NF1: variants seen among roughly 807,000 people sequenced by gnomAD.
NF1 encodes the protein neurofibromin 1.
Under a neutral mutation model 325.7 loss-of-function variants are expected in NF1, and 122 were observed. That is an observed-to-expected ratio of 0.37 (90% CI 0.32 to 0.44). The LOEUF is 0.44. NF1 is among the 20% of genes least tolerant of loss of function. The pLI is 1.00. For missense variants in NF1, 2,140 were observed against 3,415.4 expected (o/e 0.63, Z 9.31); for synonymous variants, 1,091 against 1,186.0 (o/e 0.92, Z 1.65).
In NF1 at chr17:31,243,184, C is replaced by G. The variant is rs371339563; in HGVS notation, c.3975-5800C>G. Among the ~76,000 whole-genome samples the G allele has an allele frequency of 7.0e-3, 960 of 137,544 alleles. 8 individuals carry two copies. Among genetic ancestry groups the G allele is most frequent in the African/African-American group, 0.018 (597 of 33,696 alleles). The allele number at this position is 137,544 out of a possible 152,430, so 90.2% of individuals were successfully genotyped here. ...AAACAGAGTCAGTCTCTCTCTCTGTCTGTGTGTGTGTGTGTGTGTGTGTGT... is the reference window on the plus strand; with the variant it reads ...AAACAGAGTCAGTCTCTCTCTCTGTGTGTGTGTGTGTGTGTGTGTGTGTGT... On this transcript the variant is annotated intron_variant, in intron 29 of 57. Coordinates refer to ENST00000358273, the MANE Select transcript of NF1 (RefSeq NM_001042492.3).
intron 34 of NF1, 136 bp downstream of exon 34, chr17:31,260,651 T>C: frequency 8.7e-6 from 10 of 1,153,482 alleles, no homozygotes; most frequent in Middle Eastern, 2.0e-4. Context: ...AGAAAGATTC[T>C]TTTTTTCAAA....
At chr17:31,190,271 C>CA (rs1051764667) in intron 8 of NF1, among the ~76,000 whole-genome samples, 7 of 151,212 alleles carry the variant, frequency 4.6e-5, no homozygotes, top group Admixed American at 2.0e-4. Flanking sequence ...AACAAAAAAA[C>CA]AAAAAAAATA....
In NF1 at chr17:31,290,218, GT is replaced by G. The variant is rs199530188; in HGVS notation, c.4835+24888del. On this transcript the variant is annotated intron_variant, in intron 36 of 57. Transcript: ENST00000358273. The stretch of plus-strand genomic sequence containing the variant: ...ATCTATTGATAATTTCTTTGTGATT[GT>G]TTTTTTTTCTAATTAAATAGCCTTC... Among the ~76,000 whole-genome samples, 24 of 150,332 alleles carry G rather than the reference GT, an allele frequency of 1.6e-4. No individual in the cohort carries two copies. In the South Asian group the frequency reaches 1.9e-3, roughly 12 times the overall value.
chr17:31,347,132 A>G (rs907027384), intron 48 of NF1, among the ~76,000 whole-genome samples: 7 of 151,570 alleles, frequency 4.6e-5, no homozygotes, highest in East Asian at 3.9e-4. Context: ...GTAAGATCAT[A>G]TCTTATGTAT....
At chr17:31,152,052 G>T (rs1048350877) in intron 1 of NF1, among the ~76,000 whole-genome samples, 12 of 151,758 alleles carry the variant, frequency 7.9e-5, no homozygotes, top group African/African-American at 2.7e-4. Flanking sequence ...CCCACGACAG[G>T]CCCCGGTGTG....
At chr17:31,096,311 GGTT>G (rs148047358) in intron 1 of NF1, among the ~76,000 whole-genome samples, 8,033 of 151,846 alleles carry the variant, frequency 0.053, 675 homozygotes, top group African/African-American at 0.18. Flanking sequence ...TAGTGTTTGT[GGTT>G]GTTTTTGACT....
At chr17:31,365,637 A>G (rs2070501595) in intron 57 of NF1, among the ~76,000 whole-genome samples, 1 of 152,168 alleles carries the variant, frequency 6.6e-6, no homozygotes, top group Admixed American at 6.5e-5. Flanking sequence ...ACATATATGT[A>G]TTGTTTACTA....
rs1031652494 is a variant in NF1, at chr17:31,291,920, A to G, written c.4835+26581A>G. Among the ~76,000 whole-genome samples the G allele has an allele frequency of 3.9e-5, 6 of 152,152 alleles. No individual in the cohort carries two copies. The East Asian group carries it at 1.2e-3, about 29-fold the overall frequency. On this transcript the variant is annotated intron_variant, in intron 36 of 57. Coordinates refer to ENST00000358273, the MANE Select transcript of NF1 (RefSeq NM_001042492.3). ...GAGCTGAAATGTTTCCATATATGGG[A>G]ATTTCTCATAGCATTGGGTTTGGAC...
At chr17:31,103,530 C>A (rs1912558456) in intron 1 of NF1, among the ~76,000 whole-genome samples, 1 of 152,142 alleles carries the variant, frequency 6.6e-6, no homozygotes, top group Non-Finnish European at 1.5e-5. Flanking sequence ...CAGGCTTGAA[C>A]CACCGTGCCT....
chr17:31,340,261 A>G (rs1230739130), intron 46 of NF1: 2 of 537,172 alleles, frequency 3.7e-6, no homozygotes, highest in Admixed American at 3.3e-5. Flanking sequence ...TGGTGACTGG[A>G]TTTAGAAATC....
At chr17:31,132,197 G>A (rs2143470907) in intron 1 of NF1, among the ~76,000 whole-genome samples, 1 of 152,174 alleles carries the variant, frequency 6.6e-6, no homozygotes, top group South Asian at 2.1e-4. Context: ...TTCCAAAAGT[G>A]CTAGGATTAC....
intron 36 of NF1, chr17:31,295,205 G>A: frequency 2.5e-6 from 4 of 1,614,164 alleles, no homozygotes; most frequent in Non-Finnish European, 2.5e-6. Context: ...GGTCATGGGT[G>A]TTGGGGATGA....
chr17:31,120,090 C>T (rs1012737177), intron 1 of NF1, among the ~76,000 whole-genome samples: 40 of 152,084 alleles, frequency 2.6e-4, no homozygotes, highest in African/African-American at 9.4e-4. Flanking sequence ...CTTGGCTCTA[C>T]GGGCTCTTTT....
rs2069864364 is a variant in NF1 at position 31,342,998 on chromosome 17, A to G, written c.7063-11A>G. The G allele has an allele frequency of 6.2e-7, 1 of 1,614,130 alleles. No individual in the cohort carries two copies. The highest frequency in any genetic ancestry group is 8.5e-7 in the Non-Finnish European group (1 of 1,180,020). Reference sequence around the variant, plus strand: ...GAACCTCATCAACCATCTCATGATTATCTTTAATAGAGTCCAGAGGAAGTA... The same window carrying G: ...GAACCTCATCAACCATCTCATGATTGTCTTTAATAGAGTCCAGAGGAAGTA... On this transcript the variant is annotated splice_polypyrimidine_tract_variant and intron_variant, in intron 47 of 57. Coordinates refer to ENST00000358273, the MANE Select transcript of NF1 (RefSeq NM_001042492.3).
intron 36 of NF1, among the ~76,000 whole-genome samples, chr17:31,269,732 C>T (rs1384955910): frequency 1.3e-5 from 2 of 152,160 alleles, no homozygotes; most frequent in African/African-American, 4.8e-5. Flanking sequence ...GGTTTGTGTT[C>T]TCCCAGCTTA....
chr17:31,305,395 G>C, intron 36 of NF1: 3 of 1,614,212 alleles, frequency 1.9e-6, no homozygotes, highest in Non-Finnish European at 2.5e-6. Context: ...TTTGGCAGGT[G>C]ATATTGATTG....
chr17:31,158,240 C>A (rs1287198543), intron 2 of NF1, among the ~76,000 whole-genome samples: 1 of 152,098 alleles, frequency 6.6e-6, no homozygotes, highest in Non-Finnish European at 1.5e-5. Context: ...TTACACAATA[C>A]CCTAAACTTA....
chr17:31,358,876 G>T, intron 55 of NF1, 93 bp from the exon 56 acceptor site: 3 of 1,186,440 alleles, frequency 2.5e-6, no homozygotes, highest in South Asian at 1.2e-5. Flanking sequence ...TGTACATAGG[G>T]TTTATATATC....
At chr17:31,157,220 A>T (rs1261192714) in intron 2 of NF1, among the ~76,000 whole-genome samples, 1 of 152,038 alleles carries the variant, frequency 6.6e-6, no homozygotes, top group Non-Finnish European at 1.5e-5. Flanking sequence ...AACTCCTGAC[A>T]TTAGGTGATC....
Sources: allele counts gnomAD v4.1 joint callset (sites outside exome capture counted in the v4.1 genomes callset), GRCh38; gene constraint gnomAD v4.1.1; transcripts MANE v1.5; gene names NCBI Gene and HGNC (gene_info 2026-07-23, HGNC 2026-07-21).